The following BANK1 variants were observed in gnomAD, a reference collection of about 807,000 sequenced individuals.
BANK1 encodes B cell scaffold protein with ankyrin repeats 1, also known as B-cell scaffold protein with ankyrin repeats.
BANK1 carries 95 observed loss-of-function variants against 94.5 expected under a neutral mutation model. The observed-to-expected ratio is 1.00, with a 90% confidence interval of 0.85 to 1.19. The LOEUF is 1.19. BANK1 is among the 50% of genes most tolerant of loss of function. BANK1 has a pLI of 0.00. For synonymous variants in BANK1, 334 were observed against 308.4 expected, an observed-to-expected ratio of 1.08 and a Z score of -0.87; for missense variants, 987 against 932.2, an observed-to-expected ratio of 1.06 and a Z score of -0.77.
Position 102,007,144 on chromosome 4 carries a change from TTTTATATATATA to T in BANK1, c.1207-14368_1207-14357del, listed in dbSNP as rs1560682305. Reference sequence around the variant, plus strand: ...ATTTTATATATATATAAAAAATATATTTTATATATATATATATATATATATAAAATCCCTAAA... The same window carrying T: ...ATTTTATATATATATAAAAAATATATTATATATATATATAAAATCCCTAAA... On this transcript the variant is annotated intron_variant, in intron 7 of 16. Transcript: ENST00000322953. Among the ~76,000 whole-genome samples the T allele has an allele frequency of 3.3e-4, 28 of 83,936 alleles. 2 individuals are homozygous for T. The highest frequency in any genetic ancestry group is 6.0e-4 in the Non-Finnish European group (25 of 41,548). 55.1% of individuals were successfully genotyped at this position (83,936 alleles called of 152,430 possible).
intron 10 of BANK1, among the ~76,000 whole-genome samples, chr4:102,034,309 G>A (rs1727424222): frequency 6.6e-6 from 1 of 152,176 alleles, no homozygotes; most frequent in East Asian, 1.9e-4. Flanking sequence ...GGAAAACCAT[G>A]CTGGCTTTGC....
At chr4:101,793,102 C>A (rs1485563533) in intron 1 of BANK1, among the ~76,000 whole-genome samples, 1 of 151,998 alleles carries the variant, frequency 6.6e-6, no homozygotes, top group Admixed American at 6.6e-5. Context: ...TTATTGGATG[C>A]ATCTGATGAA....
chr4:102,065,785 C>G lies in BANK1; in HGVS notation c.2212+2647C>G, dbSNP rs1430770324. On this transcript the variant is annotated intron_variant, in intron 13 of 16. Coordinates refer to ENST00000322953, the MANE Select transcript of BANK1 (RefSeq NM_017935.5). ...TACAATAAAATATATAAAAATTAAT[C>G]AGATGAACTTATTATCAAATTGGAG... 2.0e-5 allele frequency among the ~76,000 whole-genome samples: 3 copies of G among 151,830 alleles called. No homozygotes were observed. In the East Asian group the frequency reaches 5.8e-4, roughly 29 times the overall value.
At chr4:101,815,596 G>C (rs1332709471) in intron 1 of BANK1, among the ~76,000 whole-genome samples, 2 of 152,074 alleles carry the variant, frequency 1.3e-5, no homozygotes, top group South Asian at 2.1e-4. Flanking sequence ...AATTATTATT[G>C]ATAGATATAA....
chr4:102,045,059 G>C (rs896171783), intron 11 of BANK1, among the ~76,000 whole-genome samples: 1 of 151,726 alleles, frequency 6.6e-6, no homozygotes, highest in African/African-American at 2.4e-5. Context: ...TGTCAATTTT[G>C]GCTTTTGTTG....
At chr4:101,906,330 T>A (rs1722447568) in intron 6 of BANK1, among the ~76,000 whole-genome samples, 1 of 152,194 alleles carries the variant, frequency 6.6e-6, no homozygotes, top group African/African-American at 2.4e-5. Flanking sequence ...AGCTATAATA[T>A]TTCCCTGTTG....
At chr4:101,868,090 C>T (rs937211006) in intron 4 of BANK1, among the ~76,000 whole-genome samples, 18 of 151,812 alleles carry the variant, frequency 1.2e-4, no homozygotes, top group African/African-American at 3.9e-4. Context: ...TATTAAGACA[C>T]GGGTAAATCA....
chr4:101,907,318 A>T (rs1722489073), intron 6 of BANK1, among the ~76,000 whole-genome samples: 1 of 152,222 alleles, frequency 6.6e-6, no homozygotes, highest in Non-Finnish European at 1.5e-5. Context: ...TGGTTATCTC[A>T]ATAGATGCAG....
intron 1 of BANK1, among the ~76,000 whole-genome samples, chr4:101,804,018 A>G (rs1413232818): frequency 1.5e-5 from 2 of 137,504 alleles, no homozygotes; most frequent in South Asian, 2.2e-4. Flanking sequence ...AAAAAAAAAA[A>G]AAAAAAAGAA....
chr4:101,834,928 A>T (rs1034932225), intron 2 of BANK1, among the ~76,000 whole-genome samples: 1 of 152,134 alleles, frequency 6.6e-6, no homozygotes, highest in South Asian at 2.1e-4. Context: ...TAACATTAAA[A>T]TTTTTTTAAA....
rs144177174 is a variant in BANK1, at chr4:101,904,013, G to A, written c.1009+8603G>A. ...ACACTGTGAAAATTTTTTATGAGTAGGTTCAATTGCTTGCCCCACAAACGT... is the reference window on the plus strand; with the variant it reads ...ACACTGTGAAAATTTTTTATGAGTAAGTTCAATTGCTTGCCCCACAAACGT... On this transcript the variant is annotated intron_variant, in intron 6 of 16. Coordinates refer to ENST00000322953, the MANE Select transcript of BANK1 (RefSeq NM_017935.5). 6.5e-4 allele frequency among the ~76,000 whole-genome samples: 99 copies of A among 152,266 alleles called. 4 individuals carry two copies. The East Asian group carries it at 0.019, about 29-fold the overall frequency.
intron 7 of BANK1, among the ~76,000 whole-genome samples, chr4:101,974,033 C>T (rs1234936044): frequency 6.6e-6 from 1 of 151,906 alleles, no homozygotes; most frequent in Non-Finnish European, 1.5e-5. Context: ...TTAATTGAAC[C>T]CAGTACCTGG....
At position 101,830,146 on chromosome 4, in the gene BANK1, A is replaced by G. The variant is rs759641490; in HGVS notation, c.409A>G (p.Ile137Val). 11 of 1,607,180 alleles carry G rather than the reference A, an allele frequency of 6.8e-6. No individual in the cohort carries two copies. In the East Asian group the frequency reaches 2.5e-4, roughly 36 times the overall value. The change falls in exon 2 of 17, where the codon ATC becomes GTC. Residue 137 changes from isoleucine (I) to valine (V), a missense_variant. Transcript: ENST00000322953. ...AAATATCTCTCAAAGCAGATGGGAG[A>G]TCTCAACTGAACAGGAACCTGAAGA... ...LLNISQSRWE[I>V]STEQEPEDYI... is the part of the protein sequence containing the mutation.
intron 1 of BANK1, among the ~76,000 whole-genome samples, chr4:101,802,697 A>T (rs1257099028): frequency 6.6e-6 from 1 of 152,210 alleles, no homozygotes; most frequent in Non-Finnish European, 1.5e-5. Context: ...TAACTTCATT[A>T]TAAGACCTCT....
intron 1 of BANK1, among the ~76,000 whole-genome samples, chr4:101,828,045 A>T (rs938720111): frequency 6.6e-6 from 1 of 151,860 alleles, no homozygotes; most frequent in Non-Finnish European, 1.5e-5. Flanking sequence ...TATTATTATA[A>T]CTATAAACAC....
chr4:101,870,656 T>G lies in BANK1; in HGVS notation c.903+12T>G, dbSNP rs1728251164. The G allele has an allele frequency of 6.2e-7, 1 of 1,606,170 alleles. No homozygotes were observed. Among genetic ancestry groups the G allele is most frequent in the Non-Finnish European group, 8.5e-7 (1 of 1,176,852 alleles). ...AGAGTTTGTGCCAGGTAAGTTAATC[T>G]TTCCACGAAGTTAATCATAATGTAA... is the stretch of plus-strand genomic sequence containing the variant. On this transcript the variant is annotated intron_variant, in intron 5 of 16. Coordinates refer to ENST00000322953, the MANE Select transcript of BANK1 (RefSeq NM_017935.5).
chr4:101,826,793 A>T (rs914443389), intron 1 of BANK1, among the ~76,000 whole-genome samples: 3 of 151,994 alleles, frequency 2.0e-5, no homozygotes, highest in African/African-American at 7.2e-5. Context: ...TGTAAAAAAA[A>T]GTTGTTGAAT....
At chr4:102,048,213 C>A (rs1267594294) in intron 11 of BANK1, among the ~76,000 whole-genome samples, 1 of 152,072 alleles carries the variant, frequency 6.6e-6, no homozygotes, top group Non-Finnish European at 1.5e-5. Context: ...CAGAAGGGAA[C>A]AGCATATTGT....
Position 101,885,049 on chromosome 4 carries a change from C to G in BANK1, c.904-10256C>G, listed in dbSNP as rs573482670. Among the ~76,000 whole-genome samples the G allele has an allele frequency of 3.3e-5, 5 of 152,312 alleles. No individual in the cohort carries two copies. In the South Asian group the frequency reaches 1.0e-3, roughly 32 times the overall value. On this transcript the variant is annotated intron_variant, in intron 5 of 16. Transcript: ENST00000322953. Reference sequence around the variant, plus strand: ...TCTCCTGCCTCAGTCTCCCGAGTAGCTGGGGTTACAGGCGCCTGCCTCCAC... The same window carrying G: ...TCTCCTGCCTCAGTCTCCCGAGTAGGTGGGGTTACAGGCGCCTGCCTCCAC...
Sources: gnomAD v4.1 joint callset for allele counts (sites outside exome capture counted in the v4.1 genomes callset) on GRCh38, gnomAD v4.1.1 for gene constraint, MANE v1.5 for transcripts, NCBI Gene and HGNC (gene_info 2026-07-23, HGNC 2026-07-21) for gene names.